The following KHDRBS3 variants were observed in gnomAD, a reference collection of about 807,000 sequenced individuals.
KHDRBS3 encodes the protein KH RNA binding domain containing, signal transduction associated 3.
Under a neutral mutation model 45.6 loss-of-function variants are expected in KHDRBS3, and 23 were observed. The ratio of observed to expected loss-of-function variants is 0.50; its 90% CI spans 0.36 to 0.72. The LOEUF (loss-of-function observed/expected upper bound fraction) is 0.72. Ranked by LOEUF, KHDRBS3 falls within the 30% of genes least tolerant of loss-of-function variation. The probability of loss-of-function intolerance (pLI) is 0.00; values close to 1 mark genes in which losing one functional copy is unlikely to be tolerated. For synonymous variants in KHDRBS3, 162 were observed against 156.5 expected (o/e 1.04, Z -0.26); for missense variants, 352 against 424.8 (o/e 0.83, Z 1.51).
intron 5 of KHDRBS3, among the ~76,000 whole-genome samples, chr8:135,571,861 A>G (rs1055624393): frequency 1.3e-5 from 2 of 152,190 alleles, no homozygotes; most frequent in African/African-American, 4.8e-5. Flanking sequence ...TCTTTCTTCA[A>G]TAAAATGGAG....
intron 1 of KHDRBS3, among the ~76,000 whole-genome samples, chr8:135,492,641 G>A (rs944346279): frequency 4.0e-5 from 6 of 150,954 alleles, no homozygotes; most frequent in Non-Finnish European, 5.9e-5. Flanking sequence ...ACACCATTCC[G>A]TTCTGTTCCT....
chr8:135,572,820 G>T (rs1236006105), intron 5 of KHDRBS3, among the ~76,000 whole-genome samples: 1 of 152,240 alleles, frequency 6.6e-6, no homozygotes, highest in Admixed American at 6.5e-5. Context: ...TCCCTGTGTT[G>T]TAAGAGACTA....
chr8:135,472,390 A>G lies in KHDRBS3; in HGVS notation c.88+14436A>G, dbSNP rs536437419. 5.3e-5 allele frequency among the ~76,000 whole-genome samples: 8 copies of G among 152,316 alleles called. No homozygotes were observed. In the East Asian group the frequency reaches 1.4e-3, roughly 26 times the overall value. ...GATGAGGATTCAGTGACCTGCATCAAGATGGTGCCTACTAGACTCCAGGCC... is the reference window on the plus strand; with the variant it reads ...GATGAGGATTCAGTGACCTGCATCAGGATGGTGCCTACTAGACTCCAGGCC... On this transcript the variant is annotated intron_variant, in intron 1 of 8. Transcript: ENST00000355849.
intron 1 of KHDRBS3, among the ~76,000 whole-genome samples, chr8:135,495,219 G>T (rs906105903): frequency 1.3e-4 from 20 of 152,206 alleles, no homozygotes; most frequent in African/African-American, 4.6e-4. Flanking sequence ...TGCCAAAGGT[G>T]AAGCATTTCT....
intron 2 of KHDRBS3, among the ~76,000 whole-genome samples, chr8:135,527,332 G>T (rs1403085420): frequency 1.3e-5 from 2 of 152,236 alleles, no homozygotes; most frequent in Non-Finnish European, 2.9e-5. Context: ...GCTCTAAGGA[G>T]GTTGTCTCTA....
chr8:135,463,925 C>T (rs1045263702), intron 1 of KHDRBS3, among the ~76,000 whole-genome samples: 7 of 152,290 alleles, frequency 4.6e-5, no homozygotes, highest in African/African-American at 9.6e-5. Flanking sequence ...GAGGCTCTTC[C>T]GTGCCAGCTG....
At chr8:135,624,401 A>G (rs1830271471) in intron 7 of KHDRBS3, among the ~76,000 whole-genome samples, 2 of 152,258 alleles carry the variant, frequency 1.3e-5, no homozygotes, top group Non-Finnish European at 2.9e-5. Context: ...TTGTTAGATT[A>G]AAAATCTGGG....
At chr8:135,479,317 C>T (rs779734453) in intron 1 of KHDRBS3, among the ~76,000 whole-genome samples, 1 of 152,166 alleles carries the variant, frequency 6.6e-6, no homozygotes, top group African/African-American at 2.4e-5. Context: ...AAAACCTACT[C>T]GTTAAGAAAA....
intron 5 of KHDRBS3, among the ~76,000 whole-genome samples, chr8:135,578,110 GTTTTT>G (rs1828032182): frequency 6.6e-6 from 1 of 152,054 alleles, no homozygotes; most frequent in South Asian, 2.1e-4. Flanking sequence ...AGTTATAAAA[GTTTTT>G]TCTGTGTTTT....
chr8:135,618,766 T>G lies in KHDRBS3; in HGVS notation c.890+11729T>G, dbSNP rs149567424. Among the ~76,000 whole-genome samples, 172 of 152,332 alleles carry G rather than the reference T, an allele frequency of 1.1e-3. No homozygotes were observed. The Middle Eastern group carries it at 0.027, about 24-fold the overall frequency. ...GGCCGACCTGACCTTTCCACTTCGCTGTGTATGTGATCTTTCACTAACCCT... is the reference window on the plus strand; with the variant it reads ...GGCCGACCTGACCTTTCCACTTCGCGGTGTATGTGATCTTTCACTAACCCT... On this transcript the variant is annotated intron_variant, in intron 7 of 8. Transcript: ENST00000355849.
intron 1 of KHDRBS3, among the ~76,000 whole-genome samples, chr8:135,475,416 A>G (rs1002971370): frequency 1.3e-5 from 2 of 151,602 alleles, no homozygotes; most frequent in Non-Finnish European, 2.9e-5. Flanking sequence ...GGTTCAAGCA[A>G]TTCTCCTGCC....
At chr8:135,573,619 A>G (rs1283563733) in intron 5 of KHDRBS3, among the ~76,000 whole-genome samples, 1 of 152,244 alleles carries the variant, frequency 6.6e-6, no homozygotes, top group East Asian at 1.9e-4. Flanking sequence ...TTGAGTATTA[A>G]TGTGTTGGAA....
intron 3 of KHDRBS3, among the ~76,000 whole-genome samples, chr8:135,544,062 A>G (rs1429915649): frequency 6.6e-6 from 1 of 152,162 alleles, no homozygotes; most frequent in African/African-American, 2.4e-5. Context: ...GAAAACATAT[A>G]TTTGGCCAGT....
intron 5 of KHDRBS3, among the ~76,000 whole-genome samples, chr8:135,561,617 A>G (rs371086970): frequency 6.7e-6 from 1 of 150,290 alleles, no homozygotes; most frequent in Non-Finnish European, 1.5e-5. Context: ...TGTTTTCATT[A>G]TGGCTCATGA....
chr8:135,459,099 C>A (rs1300134351), intron 1 of KHDRBS3, among the ~76,000 whole-genome samples: 1 of 152,182 alleles, frequency 6.6e-6, no homozygotes, highest in Non-Finnish European at 1.5e-5. Flanking sequence ...CTAGATGAAT[C>A]GGATCTGCTG....
chr8:135,511,794 G>A (rs1309876455), intron 1 of KHDRBS3, among the ~76,000 whole-genome samples: 5 of 152,168 alleles, frequency 3.3e-5, no homozygotes, highest in East Asian at 3.9e-4. Flanking sequence ...TCCTGACCTC[G>A]TAATCCGCCC....
chr8:135,507,888 T>C (rs1303135605), intron 1 of KHDRBS3, among the ~76,000 whole-genome samples: 2 of 152,248 alleles, frequency 1.3e-5, no homozygotes, highest in Non-Finnish European at 2.9e-5. Flanking sequence ...TGAGTAAATC[T>C]AAGTGACAGG....
chr8:135,528,716 G>T (rs1825317038), intron 2 of KHDRBS3, among the ~76,000 whole-genome samples: 1 of 152,186 alleles, frequency 6.6e-6, no homozygotes, highest in African/African-American at 2.4e-5. Context: ...TGGAGGCTGG[G>T]AAATCTAAGA....
At chr8:135,564,704 C>T (rs932531805) in intron 5 of KHDRBS3, among the ~76,000 whole-genome samples, 9 of 152,122 alleles carry the variant, frequency 5.9e-5, no homozygotes, top group African/African-American at 1.9e-4. Flanking sequence ...CTGCCTCCTT[C>T]GTTTGTATTT....
Sources: allele counts gnomAD v4.1 joint callset (sites outside exome capture counted in the v4.1 genomes callset), GRCh38; gene constraint gnomAD v4.1.1; transcripts MANE v1.5; gene names NCBI Gene and HGNC (gene_info 2026-07-23, HGNC 2026-07-21).